MMP16: variants seen among roughly 807,000 people sequenced by gnomAD.
The protein encoded by MMP16 is matrix metalloproteinase-16.
In MMP16, 12 loss-of-function variants were observed where a neutral mutation model predicts 67.8. The ratio of observed to expected loss-of-function variants is 0.18; its 90% CI spans 0.11 to 0.29. The LOEUF (loss-of-function observed/expected upper bound fraction) is 0.29, where lower values mean the gene tolerates loss of function less well. Ranked by LOEUF, MMP16 falls within the 10% of genes least tolerant of loss-of-function variation. The pLI is 1.00. For synonymous variants in MMP16, 249 were observed against 255.9 expected (o/e 0.97, Z 0.26); for missense variants, 475 against 765.7 (o/e 0.62, Z 4.48).
At chr8:88,268,214 T>G (rs1251823011) in intron 1 of MMP16, among the ~76,000 whole-genome samples, 1 of 152,110 alleles carries the variant, frequency 6.6e-6, no homozygotes, top group Non-Finnish European at 1.5e-5. Context: ...TGGTGGCGCA[T>G]GCCTCTAATC....
intron 3 of MMP16, among the ~76,000 whole-genome samples, chr8:88,179,143 C>T (rs983504444): frequency 6.6e-6 from 1 of 151,718 alleles, no homozygotes; most frequent in Non-Finnish European, 1.5e-5. Context: ...AAAAACTATA[C>T]CTAAGCATAT....
At chr8:88,323,698 A>C (rs1037631446) in intron 1 of MMP16, among the ~76,000 whole-genome samples, 2 of 152,116 alleles carry the variant, frequency 1.3e-5, no homozygotes, top group Non-Finnish European at 2.9e-5. Context: ...ATATCTGACA[A>C]ACTATTCAGA....
chr8:88,149,607 A>C (rs1443306107), intron 4 of MMP16, among the ~76,000 whole-genome samples: 3 of 151,740 alleles, frequency 2.0e-5, no homozygotes, highest in Non-Finnish European at 2.9e-5. Context: ...GCACACTGAC[A>C]CCTCACACGG....
rs1808401682 is a variant in MMP16 at position 88,061,642 on chromosome 8, T to A, written c.1223-5364A>T. ...GCAGGAGAAATGGTTCACAGAAGCT[T>A]AGTTTATATGTAGTCCCGGTGTCTC... On this transcript the variant is annotated intron_variant, in intron 7 of 9. Transcript: ENST00000286614. Among the ~76,000 whole-genome samples, 3 of 152,198 alleles carry A rather than the reference T, an allele frequency of 2.0e-5. No homozygotes were observed. In the East Asian group the frequency reaches 5.8e-4, roughly 29 times the overall value.
chr8:88,063,355 G>A (rs1808425078), intron 7 of MMP16, among the ~76,000 whole-genome samples: 1 of 151,970 alleles, frequency 6.6e-6, no homozygotes, highest in Non-Finnish European at 1.5e-5. Context: ...ACTGATGAAG[G>A]CAACACAAAA....
rs1478992446 is a variant in MMP16 at position 88,167,845 on chromosome 8, C to T, written c.533G>A (p.Gly178Asp). Reference sequence around the variant, plus strand: ...AATGGTTATATCCACATCACGTTTGCCATTTTCTAATTCACTGTAGGGAAC... The same window carrying T: ...AATGGTTATATCCACATCACGTTTGTCATTTTCTAATTCACTGTAGGGAAC... ...EEVPYSELEN[G>D]KRDVDITIIF... The change falls in exon 4 of 10, where the codon GGC (glycine) becomes GAC (aspartate). Residue 178 changes from glycine to aspartate, a missense_variant. Transcript: ENST00000286614. 6.2e-7 allele frequency: 1 copy of T among 1,613,946 alleles called. No homozygotes were observed. Among genetic ancestry groups the T allele is most frequent in the Non-Finnish European group, 8.5e-7 (1 of 1,179,958 alleles).
At position 88,037,889 on chromosome 8, in the gene MMP16, G is replaced by T. The variant is rs1338131153; in HGVS notation, c.*3572C>A. 6.6e-6 allele frequency: 1 copy of T among 151,874 alleles called. No individual in the cohort carries two copies. The highest frequency in any genetic ancestry group is 6.6e-5 in the Admixed American group (1 of 15,232). 9.4% of individuals were successfully genotyped at this position (151,874 alleles called of 1,614,324 possible). On this transcript the variant is annotated 3_prime_UTR_variant, in exon 10 of 10. Transcript: ENST00000286614. ...AGCAGAAGGAGAATTATTTTTGCAG[G>T]CATGAATGTGTTTTCATTTCAATTT...
At chr8:88,179,019 G>C (rs1808937392) in intron 3 of MMP16, among the ~76,000 whole-genome samples, 1 of 151,906 alleles carries the variant, frequency 6.6e-6, no homozygotes. Context: ...AAAATACTAG[G>C]AGAAGAGAGA....
chr8:88,313,277 T>A (rs1168604308), intron 1 of MMP16, among the ~76,000 whole-genome samples: 1 of 152,212 alleles, frequency 6.6e-6, no homozygotes, highest in Non-Finnish European at 1.5e-5. Context: ...TTTCAGCTTT[T>A]GTGTCTCTGA....
At chr8:88,068,724 CAG>C (rs1199887870) in intron 7 of MMP16, among the ~76,000 whole-genome samples, 1 of 151,880 alleles carries the variant, frequency 6.6e-6, no homozygotes, top group Non-Finnish European at 1.5e-5. Context: ...TTTTTTGAGA[CAG>C]AGTCTTGCTC....
Position 88,074,893 on chromosome 8 carries a change from C to G in MMP16, c.1084-150G>C, listed in dbSNP as rs984116774. 12 of 1,019,460 alleles carry G rather than the reference C, an allele frequency of 1.2e-5. No homozygotes were observed. The Admixed American group carries it at 3.3e-4, about 28-fold the overall frequency. The allele number at this position is 1,019,460 out of a possible 1,614,324, so 63.2% of individuals were successfully genotyped here. On this transcript the variant is annotated intron_variant, in intron 6 of 9. Transcript: ENST00000286614. ...CAGAGAAAGAGCTAAACAACTTGAC[C>G]GCAATGATCACAAAAATTTTTGTAG...
rs1809442523 is a variant in MMP16 at position 88,116,684 on chromosome 8, A to G, written c.906T>C (p.Pro302=). The change falls in exon 6 of 10, where the codon CCT becomes CCC. Residue 302 remains proline, a synonymous_variant. Coordinates refer to ENST00000286614, the MANE Select transcript of MMP16 (RefSeq NM_005941.5). The part of the protein sequence containing the change: ...PPDKIPPPTR[P]LPTVPPHRSI... ...AGCGGTGTGGGGGCACTGTCGGTAG[A>G]GGTCTTGTAGGTGGAGGAATCTTGT... is the stretch of plus-strand genomic sequence containing the variant. 1 of 1,613,538 alleles carries G rather than the reference A, an allele frequency of 6.2e-7. No individual in the cohort carries two copies. The highest frequency in any genetic ancestry group is 1.3e-5 in the African/African-American group (1 of 74,854).
At chr8:88,284,247 A>G (rs1386829869) in intron 1 of MMP16, among the ~76,000 whole-genome samples, 1 of 152,224 alleles carries the variant, frequency 6.6e-6, no homozygotes, top group East Asian at 1.9e-4. Flanking sequence ...GATTTTACAA[A>G]TGATGCTGTT....
intron 4 of MMP16, among the ~76,000 whole-genome samples, chr8:88,123,681 G>A (rs552444267): frequency 6.6e-6 from 1 of 151,824 alleles, no homozygotes; most frequent in South Asian, 2.1e-4. Context: ...GCTCTCAGAG[G>A]CTATGGAACT....
intron 2 of MMP16, among the ~76,000 whole-genome samples, chr8:88,195,075 T>C (rs1415566627): frequency 6.6e-6 from 1 of 152,108 alleles, no homozygotes; most frequent in Non-Finnish European, 1.5e-5. Flanking sequence ...CCACATTTTT[T>C]ACATCCTCCT....
intron 6 of MMP16, among the ~76,000 whole-genome samples, chr8:88,102,139 T>C (rs1451866688): frequency 6.6e-6 from 1 of 151,804 alleles, no homozygotes; most frequent in East Asian, 2.0e-4. Flanking sequence ...CCAGCAAGTG[T>C]GTGATCAATT....
At chr8:88,322,451 A>G (rs909391172) in intron 1 of MMP16, among the ~76,000 whole-genome samples, 12 of 152,150 alleles carry the variant, frequency 7.9e-5, no homozygotes, top group African/African-American at 2.9e-4. Flanking sequence ...ATACCAATTG[A>G]TATGTCCTAA....
intron 1 of MMP16, among the ~76,000 whole-genome samples, chr8:88,277,576 C>T (rs568836119): frequency 1.3e-5 from 2 of 151,856 alleles, no homozygotes; most frequent in East Asian, 3.9e-4. Flanking sequence ...ATTTTGAAAA[C>T]TAATGTTTAC....
rs890419203 is a variant in MMP16 at position 88,041,333 on chromosome 8, G to C, written c.*128C>G. The C allele has an allele frequency of 4.3e-6, 4 of 922,732 alleles. No individual in the cohort carries two copies. 57.2% of individuals were successfully genotyped at this position (922,732 alleles called of 1,614,324 possible). The stretch of plus-strand genomic sequence containing the variant: ...GCAGGACCAGCAACCCTCTGGGTTT[G>C]AAAGGTCAGCCCCGAATCAGGCTGC... On this transcript the variant is annotated 3_prime_UTR_variant, in exon 10 of 10. Transcript: ENST00000286614. This position sits in a 1 kb window ranked among gnomAD's most constrained non-coding sequence, Gnocchi z 6.0.
Sources: allele counts gnomAD v4.1 joint callset (sites outside exome capture counted in the v4.1 genomes callset), GRCh38; gene constraint gnomAD v4.1.1; non-coding constraint Gnocchi (gnomAD v3.1); transcripts MANE v1.5; gene names NCBI Gene and HGNC (gene_info 2026-07-23, HGNC 2026-07-21).